The following RHAG variants were observed in gnomAD, a reference collection of about 807,000 sequenced individuals.
RHAG encodes the protein Rh associated glycoprotein.
RHAG carries 25 observed loss-of-function variants against 42.4 expected under a neutral mutation model. The ratio of observed to expected loss-of-function variants is 0.59; its 90% CI spans 0.43 to 0.82. The LOEUF is 0.82. Among genes scored for constraint, RHAG ranks in the 40% least tolerant of loss-of-function variants. The pLI is 0.00. For missense variants in RHAG, 483 were observed against 504.6 expected (o/e 0.96, Z 0.41); for synonymous variants, 182 against 177.7 (o/e 1.02, Z -0.19).
intron 1 of RHAG, among the ~76,000 whole-genome samples, chr6:49,628,970 C>A (rs983873207): frequency 6.6e-6 from 1 of 152,184 alleles, no homozygotes; most frequent in Non-Finnish European, 1.5e-5. Flanking sequence ...CTTTTATTCT[C>A]TTATCTGGCC....
intron 1 of RHAG, among the ~76,000 whole-genome samples, chr6:49,625,957 G>A (rs1425311721): frequency 2.6e-5 from 4 of 152,148 alleles, no homozygotes; most frequent in Admixed American, 1.3e-4. Context: ...CTCAAGAGAC[G>A]TATTCACTAT....
At chr6:49,616,309 C>T (rs1762653608) in intron 3 of RHAG, among the ~76,000 whole-genome samples, 1 of 132,980 alleles carries the variant, frequency 7.5e-6, no homozygotes, top group South Asian at 2.4e-4. Flanking sequence ...ATGATTGTCA[C>T]ATTGCATTCC....
intron 1 of RHAG, among the ~76,000 whole-genome samples, chr6:49,626,350 A>G (rs571637737): frequency 6.6e-6 from 1 of 152,314 alleles, no homozygotes; most frequent in South Asian, 2.1e-4. Flanking sequence ...ATTGGCAAAA[A>G]CAAAGTGGCT....
At chr6:49,629,694 C>A (rs994676118) in intron 1 of RHAG, among the ~76,000 whole-genome samples, 1 of 152,198 alleles carries the variant, frequency 6.6e-6, no homozygotes, top group Non-Finnish European at 1.5e-5. Flanking sequence ...CCCTGCCCCA[C>A]GGGAAGGCAG....
At chr6:49,630,164 CT>C (rs1389086243) in intron 1 of RHAG, among the ~76,000 whole-genome samples, 1 of 152,202 alleles carries the variant, frequency 6.6e-6, no homozygotes, top group Non-Finnish European at 1.5e-5. Context: ...TTCTAGATAC[CT>C]TTTAAGAATC....
intron 1 of RHAG, 104 bp downstream of exon 1, chr6:49,636,552 A>G: frequency 8.5e-7 from 1 of 1,178,908 alleles, no homozygotes; most frequent in Non-Finnish European, 1.3e-6. Context: ...TAACCATCAT[A>G]TAATTCTACA....
intron 5 of RHAG, among the ~76,000 whole-genome samples, chr6:49,612,885 A>G (rs1252049278): frequency 6.6e-6 from 1 of 152,182 alleles, no homozygotes; most frequent in Non-Finnish European, 1.5e-5. Context: ...TTTTCGGAAC[A>G]CATTTGTGGT....
intron 1 of RHAG, among the ~76,000 whole-genome samples, chr6:49,629,901 C>T (rs374267611): frequency 7.2e-5 from 11 of 152,310 alleles, no homozygotes; most frequent in Admixed American, 3.9e-4. Flanking sequence ...AAGAGCCGCA[C>T]GCAGCCCCGG....
intron 1 of RHAG, among the ~76,000 whole-genome samples, chr6:49,624,379 AT>A (rs1228537782): frequency 6.6e-6 from 1 of 151,798 alleles, no homozygotes; most frequent in Non-Finnish European, 1.5e-5. Flanking sequence ...TTAATTTTGT[AT>A]TTTCAGTACA....
intron 1 of RHAG, among the ~76,000 whole-genome samples, chr6:49,626,887 C>G (rs73435808): frequency 0.028 from 4,248 of 152,350 alleles, 214 homozygotes; most frequent in African/African-American, 0.097. Flanking sequence ...TTGGGGCTTG[C>G]ACCCGCTGAA....
At chr6:49,623,082 C>T (rs1762791134) in intron 1 of RHAG, among the ~76,000 whole-genome samples, 1 of 152,100 alleles carries the variant, frequency 6.6e-6, no homozygotes, top group Non-Finnish European at 1.5e-5. Context: ...TCGTGATCCG[C>T]CCGCCTCGGC....
At position 49,614,667 on chromosome 6, in the gene RHAG, A is replaced by T; in HGVS notation, c.807+20T>A. On this transcript the variant is annotated intron_variant, in intron 5 of 9. Transcript: ENST00000371175. The stretch of plus-strand genomic sequence containing the variant: ...AGTGTTGTGAAGCAAAATTTCCATG[A>T]GGGCTAAGGCGGCACTTACCATGTT... 1 of 1,612,560 alleles carries T rather than the reference A, an allele frequency of 6.2e-7. No individual in the cohort carries two copies. Among genetic ancestry groups the T allele is most frequent in the Non-Finnish European group, 8.5e-7 (1 of 1,179,598 alleles).
At chr6:49,625,639 C>G (rs749725913) in intron 1 of RHAG, among the ~76,000 whole-genome samples, 4 of 152,180 alleles carry the variant, frequency 2.6e-5, no homozygotes, top group Non-Finnish European at 5.9e-5. Context: ...CAGCAGCATC[C>G]TCAACGTCAT....
At chr6:49,614,292 A>G (rs1206673505) in intron 5 of RHAG, among the ~76,000 whole-genome samples, 1 of 151,686 alleles carries the variant, frequency 6.6e-6, no homozygotes. Flanking sequence ...TCCCAGGTTC[A>G]AGTGATTCTC....
chr6:49,608,084 T>C (rs577026382), intron 7 of RHAG, among the ~76,000 whole-genome samples: 1 of 152,288 alleles, frequency 6.6e-6, no homozygotes, highest in East Asian at 1.9e-4. Flanking sequence ...AGCAGAAAAG[T>C]TTAATATCCC....
At chr6:49,624,427 A>G (rs1762810657) in intron 1 of RHAG, among the ~76,000 whole-genome samples, 1 of 151,944 alleles carries the variant, frequency 6.6e-6, no homozygotes, top group East Asian at 1.9e-4. Flanking sequence ...TTGGTCTCGA[A>G]CTCCTGACCT....
At chr6:49,628,313 T>A (rs1762874710) in intron 1 of RHAG, among the ~76,000 whole-genome samples, 2 of 152,216 alleles carry the variant, frequency 1.3e-5, no homozygotes, top group African/African-American at 4.8e-5. Flanking sequence ...GCTAATTTTT[T>A]ATTTTCTGTT....
chr6:49,635,001 G>A (rs984926438), intron 1 of RHAG, among the ~76,000 whole-genome samples: 4 of 143,252 alleles, frequency 2.8e-5, no homozygotes, highest in East Asian at 2.1e-4. Context: ...TGTGTGTGTC[G>A]GGGGGGTGGG....
chr6:49,621,263 T>C (rs1017988501), intron 1 of RHAG, among the ~76,000 whole-genome samples: 2 of 152,090 alleles, frequency 1.3e-5, no homozygotes, highest in African/African-American at 4.8e-5. Flanking sequence ...CGGTCAGGAG[T>C]GCCGCCAGAT....
Sources: allele counts gnomAD v4.1 joint callset (sites outside exome capture counted in the v4.1 genomes callset), GRCh38; gene constraint gnomAD v4.1.1; transcripts MANE v1.5; gene names NCBI Gene and HGNC (gene_info 2026-07-23, HGNC 2026-07-21).